INPP5A: variants seen among roughly 807,000 people sequenced by gnomAD.
INPP5A encodes 43 kDa inositol polyphosphate 5-phophatase.
A neutral mutation model predicts 65.2 loss-of-function variants in INPP5A; 14 were observed. That is an observed-to-expected ratio of 0.21 (90% confidence interval 0.14 to 0.34). The LOEUF is 0.34. Ranked by LOEUF, INPP5A falls within the 10% of genes least tolerant of loss-of-function variation. The pLI, the probability that INPP5A is intolerant of heterozygous loss-of-function variation, is 1.00. For missense variants in INPP5A, 431 were observed against 545.6 expected, an observed-to-expected ratio of 0.79 and a Z score of 2.09; for synonymous variants, 207 against 208.3, an observed-to-expected ratio of 0.99 and a Z score of 0.05.
At chr10:132,541,900 C>T (rs974284881) in intron 1 of INPP5A, among the ~76,000 whole-genome samples, 6 of 152,236 alleles carry the variant, frequency 3.9e-5, no homozygotes, top group African/African-American at 1.2e-4. Flanking sequence ...CCTCGGTGAG[C>T]CCTGCAGCTG....
In INPP5A at chr10:132,717,298, C is replaced by T. The variant is rs986644991; in HGVS notation, c.647+6842C>T. 7.1e-4 allele frequency among the ~76,000 whole-genome samples: 103 copies of T among 145,442 alleles called. 1 individual carries two copies. The highest frequency in any genetic ancestry group is 5.3e-3 in the Admixed American group (79 of 15,006). On this transcript the variant is annotated intron_variant, in intron 8 of 15. Transcript: ENST00000368594. The stretch of plus-strand genomic sequence containing the variant: ...GCTGGCCCCTAAAGGGTTGGGGCTC[C>T]GAGGCTGGGACTCACTGGGTGGGGA...
At chr10:132,612,774 C>T (rs1237275289) in intron 2 of INPP5A, among the ~76,000 whole-genome samples, 5 of 152,226 alleles carry the variant, frequency 3.3e-5, no homozygotes, top group African/African-American at 4.8e-5. Context: ...TTGGCAGCAA[C>T]AGCTGTGTGT....
intron 9 of INPP5A, among the ~76,000 whole-genome samples, chr10:132,745,012 G>A (rs1303105089): frequency 6.6e-6 from 1 of 152,178 alleles, no homozygotes; most frequent in African/African-American, 2.4e-5. Context: ...CGTGGCACAG[G>A]CTTGGGGACA....
chr10:132,743,941 G>A (rs1183715783), intron 9 of INPP5A, among the ~76,000 whole-genome samples: 6 of 152,204 alleles, frequency 3.9e-5, no homozygotes, highest in Non-Finnish European at 7.3e-5. Flanking sequence ...GTGTGGTCCC[G>A]AATTCCATCC....
rs185865103 is a variant in INPP5A, at chr10:132,553,798, C to T, written c.75+15627C>T. Among the ~76,000 whole-genome samples the T allele has an allele frequency of 4.7e-3, 699 of 148,566 alleles. 1 individual carries two copies. Among genetic ancestry groups the T allele is most frequent in the Non-Finnish European group, 7.3e-3 (492 of 67,078 alleles). On this transcript the variant is annotated intron_variant, in intron 1 of 15. Coordinates refer to ENST00000368594, the MANE Select transcript of INPP5A (RefSeq NM_005539.5). ...GGGAGGGAGGATTGGTGAACGCCTTCTCAGAGCCTTGGTGGAATATTGGGT... is the reference window on the plus strand; with the variant it reads ...GGGAGGGAGGATTGGTGAACGCCTTTTCAGAGCCTTGGTGGAATATTGGGT...
rs1040316187 is a variant in INPP5A at position 132,616,197 on chromosome 10, G to A, written c.117+8241G>A. ...CCTTAAGTCAGACCGGGAGGCAGAC[G>A]GGCCCTGAAAGAACCACAGGGTGGC... On this transcript the variant is annotated intron_variant, in intron 2 of 15. Transcript: ENST00000368594. The surrounding 1 kb of genome is among the most constrained non-coding windows in gnomAD (Gnocchi z 4.9). 6.6e-6 allele frequency among the ~76,000 whole-genome samples: 1 copy of A among 152,224 alleles called. No individual in the cohort carries two copies. The highest frequency in any genetic ancestry group is 1.5e-5 in the Non-Finnish European group (1 of 68,046).
At chr10:132,735,035 G>T (rs1005287254) in intron 9 of INPP5A, among the ~76,000 whole-genome samples, 1 of 152,302 alleles carries the variant, frequency 6.6e-6, no homozygotes. Context: ...CTCCCCAGCC[G>T]TGTGGAGCAG....
intron 2 of INPP5A, among the ~76,000 whole-genome samples, chr10:132,641,067 C>T (rs960242866): frequency 2.4e-4 from 36 of 152,206 alleles, no homozygotes; most frequent in African/African-American, 8.0e-4. Context: ...TTCACTGCCT[C>T]GATTCACTGC....
At chr10:132,726,791 C>T (rs532552142) in intron 8 of INPP5A, 30 bp from the exon 9 acceptor site, 2 of 1,552,900 alleles carry the variant, frequency 1.3e-6, no homozygotes, top group Non-Finnish European at 1.8e-6. Context: ...CTTCAGCGCC[C>T]TCGGTAACAA....
chr10:132,752,669 G>A (rs1250477009), intron 11 of INPP5A, among the ~76,000 whole-genome samples: 3 of 135,546 alleles, frequency 2.2e-5, no homozygotes, highest in African/African-American at 8.2e-5. Flanking sequence ...GGAGGGGCAC[G>A]GGGCGTGGAG....
At chr10:132,662,032 CT>C (rs1466122750) in intron 4 of INPP5A, among the ~76,000 whole-genome samples, 4 of 152,206 alleles carry the variant, frequency 2.6e-5, no homozygotes, top group Non-Finnish European at 5.9e-5. Context: ...GATCATAGAC[CT>C]AGCGTAAGAG....
In INPP5A at chr10:132,644,617, G is replaced by T. The variant is rs905975467; in HGVS notation, c.118-1251G>T. 6.6e-6 allele frequency among the ~76,000 whole-genome samples: 1 copy of T among 152,236 alleles called. No homozygotes were observed. Among genetic ancestry groups the T allele is most frequent in the African/African-American group, 2.4e-5 (1 of 41,458 alleles). On this transcript the variant is annotated intron_variant, in intron 2 of 15. Transcript: ENST00000368594. The surrounding 1 kb of genome is among the most constrained non-coding windows in gnomAD (Gnocchi z 6.5). ...CAGGCTCCCAAGCCCAGCACAGACA[G>T]CACCGGCCCCTTCTCTCCCCGCCTT...
chr10:132,580,198 G>A (rs1171430083), intron 1 of INPP5A, among the ~76,000 whole-genome samples: 2 of 152,144 alleles, frequency 1.3e-5, no homozygotes. Flanking sequence ...ATATGGTTTG[G>A]CTCTGTGTCC....
intron 8 of INPP5A, among the ~76,000 whole-genome samples, chr10:132,722,676 G>A (rs1456088339): frequency 2.0e-5 from 3 of 152,206 alleles, no homozygotes; most frequent in East Asian, 1.9e-4. Flanking sequence ...CCCAGCCGTC[G>A]CGGTGGAGCA....
At chr10:132,602,342 C>T (rs999009731) in intron 1 of INPP5A, among the ~76,000 whole-genome samples, 2 of 152,204 alleles carry the variant, frequency 1.3e-5, no homozygotes, top group African/African-American at 4.8e-5. Context: ...GTCACCTAGG[C>T]TGAAGTGCAG....
rs574070709 is a variant in INPP5A, at chr10:132,706,682, TGTG to T, written c.475-1626_475-1624del. The stretch of plus-strand genomic sequence containing the variant: ...ACTTAGGGAGGGGGCAGGGAGCACT[TGTG>T]GTGGGGGCAGGCAAAGAAGGGCCTC... On this transcript the variant is annotated intron_variant, in intron 6 of 15. Coordinates refer to ENST00000368594, the MANE Select transcript of INPP5A (RefSeq NM_005539.5). The surrounding 1 kb of genome is among the most constrained non-coding windows in gnomAD (Gnocchi z 4.7). Among the ~76,000 whole-genome samples, 4 of 151,814 alleles carry T rather than the reference TGTG, an allele frequency of 2.6e-5. No homozygotes were observed. The highest frequency in any genetic ancestry group is 6.6e-5 in the Admixed American group (1 of 15,258).
chr10:132,764,117 C>A (rs1033904762), intron 11 of INPP5A, among the ~76,000 whole-genome samples: 1 of 152,268 alleles, frequency 6.6e-6, no homozygotes, highest in Non-Finnish European at 1.5e-5. Context: ...GGGCTGTGAA[C>A]GCCTGTGCTC....
intron 1 of INPP5A, among the ~76,000 whole-genome samples, chr10:132,554,792 TC>T (rs2071103869): frequency 6.6e-6 from 1 of 151,168 alleles, no homozygotes; most frequent in South Asian, 2.1e-4. Flanking sequence ...GCGTGGTTGG[TC>T]CCTGTGGGTA....
At position 132,781,957 on chromosome 10, in the gene INPP5A, G is replaced by T; in HGVS notation, c.*7+9G>T. The T allele has an allele frequency of 6.2e-7, 1 of 1,613,006 alleles. No individual in the cohort carries two copies. The highest frequency in any genetic ancestry group is 8.5e-7 in the Non-Finnish European group (1 of 1,179,298). Reference sequence around the variant, plus strand: ...CGTGCAGTGACGTGGTGGTAAATATGACTCCTCCCTCCAGTTCAGCTTTTA... The same window carrying T: ...CGTGCAGTGACGTGGTGGTAAATATTACTCCTCCCTCCAGTTCAGCTTTTA... On this transcript the variant is annotated intron_variant, in intron 15 of 15. Transcript: ENST00000368594.
Sources: gnomAD v4.1 joint callset for allele counts (sites outside exome capture counted in the v4.1 genomes callset) on GRCh38, gnomAD v4.1.1 for gene constraint, Gnocchi (gnomAD v3.1) non-coding constraint, MANE v1.5 for transcripts, NCBI Gene and HGNC (gene_info 2026-07-23, HGNC 2026-07-21) for gene names.